Variants in CDK15 observed in about 807,000 individuals in gnomAD.
The protein encoded by CDK15 is cyclin dependent kinase 15.
CDK15 carries 62 observed loss-of-function variants against 60.3 expected under a neutral mutation model. The observed-to-expected ratio is 1.03, with a 90% confidence interval of 0.84 to 1.27. The LOEUF (loss-of-function observed/expected upper bound fraction) is 1.27. CDK15 is among the 50% of genes most tolerant of loss of function. The pLI, the probability that CDK15 is intolerant of heterozygous loss-of-function variation, is 0.00. For missense variants in CDK15, 541 were observed against 527.8 expected (o/e 1.03, Z -0.25); for synonymous variants, 194 against 195.7 (o/e 0.99, Z 0.07).
chr2:201,861,904 C>T (rs1301583576), intron 10 of CDK15, among the ~76,000 whole-genome samples: 1 of 152,138 alleles, frequency 6.6e-6, no homozygotes, highest in East Asian at 1.9e-4. Context: ...AGTGACTTGC[C>T]ATGGTTCAGA....
intron 11 of CDK15, 70 bp from the exon 12 acceptor site, chr2:201,879,958 G>T: frequency 2.6e-6 from 4 of 1,558,410 alleles, no homozygotes; most frequent in Admixed American, 4.0e-5. Flanking sequence ...TTTACTTTTT[G>T]TTTTTATCCC....
At chr2:201,843,735 A>G (rs535042049) in intron 8 of CDK15, among the ~76,000 whole-genome samples, 2 of 152,324 alleles carry the variant, frequency 1.3e-5, no homozygotes, top group East Asian at 3.9e-4. Context: ...CAAAATGCAA[A>G]TGGAGAATTT....
At position 201,807,642 on chromosome 2, in the gene CDK15, G is replaced by A; in HGVS notation, c.272G>A (p.Trp91Ter). Residue 91 changes from tryptophan (W) to a stop codon, truncating the protein, a stop_gained and splice_region_variant, in exon 2 of 14, where the codon TGG becomes TAG. Coordinates refer to ENST00000652192, the MANE Select transcript of CDK15 (RefSeq NM_001366386.2). LOFTEE classifies it high-confidence loss of function. ...QEEDLRQGFQ[W>*]RKSLPFGAAS... ...GAGGATCTGAGGCAGGGTTTTCAGT[G>A]GGTGAGTGAGCAGCTGATGTTGATC... 1 of 1,614,072 alleles carries A rather than the reference G, an allele frequency of 6.2e-7. No individual in the cohort carries two copies. Among genetic ancestry groups the A allele is most frequent in the Non-Finnish European group, 8.5e-7 (1 of 1,179,994 alleles).
chr2:201,863,053 G>A (rs924006131), intron 10 of CDK15, among the ~76,000 whole-genome samples: 1 of 152,144 alleles, frequency 6.6e-6, no homozygotes, highest in Non-Finnish European at 1.5e-5. Context: ...AACCTCGATT[G>A]GGCTCATTAC....
intron 5 of CDK15, among the ~76,000 whole-genome samples, chr2:201,823,197 C>T (rs1696308713): frequency 1.3e-5 from 2 of 152,114 alleles, no homozygotes; most frequent in South Asian, 4.1e-4. Context: ...ATTTTAATCA[C>T]TATCTGAGCA....
At chr2:201,885,024 G>A (rs1041704775) in intron 12 of CDK15, among the ~76,000 whole-genome samples, 1 of 152,190 alleles carries the variant, frequency 6.6e-6, no homozygotes, top group African/African-American at 2.4e-5. Flanking sequence ...CTTGAAAGAT[G>A]ATGGGTCTGG....
At chr2:201,837,922 T>C (rs1204246622) in intron 8 of CDK15, among the ~76,000 whole-genome samples, 1 of 152,192 alleles carries the variant, frequency 6.6e-6, no homozygotes, top group Non-Finnish European at 1.5e-5. Flanking sequence ...TGTAGAGTCA[T>C]TGATTTCTGA....
At chr2:201,878,926 T>A (rs1346350045) in intron 11 of CDK15, among the ~76,000 whole-genome samples, 1 of 152,214 alleles carries the variant, frequency 6.6e-6, no homozygotes, top group Non-Finnish European at 1.5e-5. Flanking sequence ...ATTTGAATTT[T>A]GGAGAGATAC....
chr2:201,847,996 G>T (rs866746675), intron 9 of CDK15, among the ~76,000 whole-genome samples: 6 of 152,138 alleles, frequency 3.9e-5, no homozygotes, highest in Middle Eastern at 3.4e-3. Flanking sequence ...GCTGTGTGGC[G>T]CACACCTTAG....
chr2:201,810,301 A>G (rs1695697594), intron 3 of CDK15, among the ~76,000 whole-genome samples: 1 of 152,142 alleles, frequency 6.6e-6, no homozygotes, highest in Admixed American at 6.5e-5. Flanking sequence ...AAACTTATGA[A>G]AAGTCAGTTT....
chr2:201,851,454 G>A lies in CDK15; in HGVS notation c.946-3420G>A, dbSNP rs533587836. ...ATCCTCCAGAGAGGGCAAATGCTGT[G>A]TCCTTACATGGTGGAAGGGTAGAAG... On this transcript the variant is annotated intron_variant, in intron 9 of 13. Transcript: ENST00000652192. Among the ~76,000 whole-genome samples, 32 of 152,178 alleles carry A rather than the reference G, an allele frequency of 2.1e-4. No homozygotes were observed. The South Asian group carries it at 3.5e-3, about 17-fold the overall frequency.
At chr2:201,881,474 G>A (rs912237781) in intron 12 of CDK15, among the ~76,000 whole-genome samples, 1 of 152,174 alleles carries the variant, frequency 6.6e-6, no homozygotes, top group Non-Finnish European at 1.5e-5. Context: ...GGAAAAGAGG[G>A]TGAGGAAGAG....
At chr2:201,831,338 C>G (rs1252460702) in intron 6 of CDK15, among the ~76,000 whole-genome samples, 1 of 152,088 alleles carries the variant, frequency 6.6e-6, no homozygotes, top group East Asian at 1.9e-4. Context: ...ATTTTGTTCC[C>G]CCAAAACTTA....
chr2:201,864,740 G>A (rs1221759732), intron 10 of CDK15, among the ~76,000 whole-genome samples: 4 of 152,216 alleles, frequency 2.6e-5, no homozygotes, highest in African/African-American at 9.7e-5. Context: ...AAGGGGGAAG[G>A]AACAGATTTA....
At chr2:201,817,526 T>C (rs1163576872) in intron 4 of CDK15, among the ~76,000 whole-genome samples, 15 of 152,208 alleles carry the variant, frequency 9.9e-5, no homozygotes, top group Admixed American at 9.8e-4. Flanking sequence ...GTGTTTAAAT[T>C]AGAAACAGTC....
At chr2:201,878,935 A>G (rs1321191404) in intron 11 of CDK15, among the ~76,000 whole-genome samples, 2 of 152,238 alleles carry the variant, frequency 1.3e-5, no homozygotes, top group African/African-American at 4.8e-5. Context: ...TTGGAGAGAT[A>G]CAAACAGTCA....
chr2:201,860,358 A>G (rs1000765499), intron 10 of CDK15, among the ~76,000 whole-genome samples: 1 of 152,260 alleles, frequency 6.6e-6, no homozygotes, highest in African/African-American at 2.4e-5. Context: ...TAGTCAATGC[A>G]TTTGCCAAAT....
intron 10 of CDK15, among the ~76,000 whole-genome samples, chr2:201,859,068 G>C (rs1698269288): frequency 6.6e-6 from 1 of 152,158 alleles, no homozygotes; most frequent in South Asian, 2.1e-4. Context: ...TAATCAAGCT[G>C]GCGGGCCGGG....
At chr2:201,840,808 A>G (rs886668933) in intron 8 of CDK15, among the ~76,000 whole-genome samples, 11 of 152,048 alleles carry the variant, frequency 7.2e-5, no homozygotes, top group African/African-American at 2.2e-4. Flanking sequence ...TGTTTTAAAG[A>G]CTTTTTTCTT....
Sources: allele counts gnomAD v4.1 joint callset (sites outside exome capture counted in the v4.1 genomes callset), GRCh38; gene constraint gnomAD v4.1.1; transcripts MANE v1.5; gene names NCBI Gene and HGNC (gene_info 2026-07-23, HGNC 2026-07-21).